The following STK4 variants were observed in gnomAD, a reference collection of about 807,000 sequenced individuals.
STK4 encodes the protein serine/threonine-protein kinase 4.
STK4 carries 30 observed loss-of-function variants against 64.9 expected under a neutral mutation model. That is an observed-to-expected ratio of 0.46 (90% CI 0.35 to 0.63). The LOEUF (loss-of-function observed/expected upper bound fraction) is 0.63, where lower values mean the gene tolerates loss of function less well. STK4 is among the 20% of genes least tolerant of loss of function. The probability of loss-of-function intolerance (pLI) is 0.01; values close to 1 mark genes in which losing one functional copy is unlikely to be tolerated. For synonymous variants in STK4, 177 were observed against 199.0 expected, an observed-to-expected ratio of 0.89 and a Z score of 0.93; for missense variants, 466 against 598.5, an observed-to-expected ratio of 0.78 and a Z score of 2.31.
intron 9 of STK4, among the ~76,000 whole-genome samples, chr20:45,020,094 A>G (rs1415850199): frequency 6.6e-6 from 1 of 152,230 alleles, no homozygotes; most frequent in Non-Finnish European, 1.5e-5. Flanking sequence ...GACATTTGGC[A>G]TTCAAGTCCC....
chr20:45,046,001 T>G (rs1343496572), intron 10 of STK4, among the ~76,000 whole-genome samples: 3 of 151,984 alleles, frequency 2.0e-5, no homozygotes, highest in Non-Finnish European at 4.4e-5. Flanking sequence ...GAGATGGGGT[T>G]TCACCATGTT....
chr20:44,988,533 GTATATATATATATATATATATATA>G (rs71197589), intron 5 of STK4, among the ~76,000 whole-genome samples: 26 of 101,586 alleles, frequency 2.6e-4, no homozygotes, highest in Admixed American at 9.4e-4. Context: ...ATGTGTGTGT[GTATATATATATATATATATATATA>G]TATATATATA....
Position 45,025,034 on chromosome 20 carries a change from A to G in STK4, c.1209A>G (p.Glu403=), listed in dbSNP as rs2068320102. 1 of 1,613,392 alleles carries G rather than the reference A, an allele frequency of 6.2e-7. No homozygotes were observed. Among genetic ancestry groups the G allele is most frequent in the Admixed American group, 1.7e-5 (1 of 59,948 alleles). Residue 403 remains glutamate (E), a synonymous_variant, in exon 10 of 11, where the codon GAA becomes GAG. Coordinates refer to ENST00000372806, the MANE Select transcript of STK4 (RefSeq NM_006282.5). ...PSFLEYFEQK[E]KENQINSFGK... ...TTCTTGAATATTTTGAACAAAAAGA[A>G]AAGGAAAACCAGATCAACAGCTTTG...
chr20:45,071,411 T>C (rs191394864), intron 10 of STK4, among the ~76,000 whole-genome samples: 81 of 152,350 alleles, frequency 5.3e-4, no homozygotes, highest in African/African-American at 1.7e-3. Context: ...TTGTCTGAGC[T>C]TGTTTTTCGG....
chr20:45,058,214 AT>A (rs3831739), intron 10 of STK4, among the ~76,000 whole-genome samples: 53 of 146,726 alleles, frequency 3.6e-4, no homozygotes, highest in African/African-American at 3.2e-4. Flanking sequence ...TTTGTTGCAG[AT>A]TTTTTTTTTT....
intron 10 of STK4, among the ~76,000 whole-genome samples, chr20:45,029,652 C>T (rs6065776): frequency 6.6e-6 from 1 of 152,144 alleles, no homozygotes. Flanking sequence ...TTAGCATCAC[C>T]TAGAGACTGT....
At chr20:45,021,822 T>C (rs879834308) in intron 9 of STK4, among the ~76,000 whole-genome samples, 7 of 152,226 alleles carry the variant, frequency 4.6e-5, no homozygotes, top group Admixed American at 1.3e-4. Context: ...ATCATAATCC[T>C]ACTAGAGATA....
chr20:44,997,215 C>A lies in STK4; in HGVS notation c.740C>A (p.Pro247Gln). The A allele has an allele frequency of 6.2e-7, 1 of 1,613,986 alleles. No individual in the cohort carries two copies. Among genetic ancestry groups the A allele is most frequent in the African/African-American group, 1.3e-5 (1 of 75,030 alleles). ...PTNPPPTFRK[P>Q]ELWSDNFTDF... ...AATCCTCCTCCCACATTCCGAAAAC[C>A]AGAGCTATGGTCAGATAACTTTACA... The change falls in exon 7 of 11, where the codon CCA becomes CAA. Residue 247 changes from proline (P) to glutamine (Q), a missense_variant. Physicochemically the swap from Pro to Gln is moderately conservative, Grantham distance 76. Coordinates refer to ENST00000372806, the MANE Select transcript of STK4 (RefSeq NM_006282.5).
At chr20:44,996,230 C>G (rs948915338) in intron 6 of STK4, among the ~76,000 whole-genome samples, 1 of 152,086 alleles carries the variant, frequency 6.6e-6, no homozygotes, top group African/African-American at 2.4e-5. Context: ...GTTAAGGGCC[C>G]ATAGAATGCA....
chr20:45,024,668 G>A (rs970573785), intron 9 of STK4, among the ~76,000 whole-genome samples: 2 of 152,118 alleles, frequency 1.3e-5, no homozygotes, highest in African/African-American at 4.8e-5. Context: ...GACTCCAAAT[G>A]TATTATTTGC....
chr20:45,015,226 C>T (rs536210649), intron 9 of STK4, among the ~76,000 whole-genome samples: 4 of 152,242 alleles, frequency 2.6e-5, no homozygotes, highest in South Asian at 2.1e-4. Context: ...ACTTCAACAC[C>T]GTCCATCAGA....
At chr20:45,036,816 A>G (rs935484991) in intron 10 of STK4, among the ~76,000 whole-genome samples, 16 of 152,320 alleles carry the variant, frequency 1.1e-4, no homozygotes, top group African/African-American at 3.8e-4. Context: ...AGCTGAATGT[A>G]TAGGGTTCGT....
chr20:44,994,823 TGTCA>T (rs1449849821), intron 5 of STK4, among the ~76,000 whole-genome samples: 1 of 152,174 alleles, frequency 6.6e-6, no homozygotes, highest in East Asian at 1.9e-4. Flanking sequence ...TAAAATTTTT[TGTCA>T]GTCATTTTAG....
rs960306045 is a variant in STK4 at position 45,009,469 on chromosome 20, C to T, written c.1147+8116C>T. On this transcript the variant is annotated intron_variant, in intron 9 of 10. Transcript: ENST00000372806. ...TTATAGTTTGAAGTCAGGTAGTGCA[C>T]TGCCTCTGGCTTTGTTCTTTTTGCT... is the stretch of plus-strand genomic sequence containing the variant. Among the ~76,000 whole-genome samples, 3 of 152,168 alleles carry T rather than the reference C, an allele frequency of 2.0e-5. 1 individual carries two copies. The highest frequency in any genetic ancestry group is 4.8e-5 in the African/African-American group (2 of 41,438).
chr20:45,024,698 A>C (rs2068312496), intron 9 of STK4, among the ~76,000 whole-genome samples: 1 of 152,196 alleles, frequency 6.6e-6, no homozygotes, highest in Non-Finnish European at 1.5e-5. Flanking sequence ...GAATCATTGC[A>C]TCACCCAAAT....
At chr20:44,982,243 A>G (rs2067455271) in intron 4 of STK4, among the ~76,000 whole-genome samples, 1 of 151,024 alleles carries the variant, frequency 6.6e-6, no homozygotes, top group Non-Finnish European at 1.5e-5. Flanking sequence ...CAGGCTCCTG[A>G]GTAGCTGGGA....
At chr20:44,973,002 T>C (rs2067277177) in intron 2 of STK4, 1 of 152,066 alleles carries the variant, frequency 6.6e-6, no homozygotes, top group Non-Finnish European at 1.5e-5. Flanking sequence ...AGAGACAGGC[T>C]ATGTGTGTGC....
chr20:44,999,821 G>A (rs2067802992), intron 7 of STK4, among the ~76,000 whole-genome samples: 1 of 152,194 alleles, frequency 6.6e-6, no homozygotes, highest in South Asian at 2.1e-4. Context: ...AGTCAGATGA[G>A]TAGATTTTTC....
chr20:44,984,345 C>G (rs1447800657), intron 4 of STK4, among the ~76,000 whole-genome samples: 1 of 151,490 alleles, frequency 6.6e-6, no homozygotes, highest in Non-Finnish European at 1.5e-5. Flanking sequence ...CTAGTACAGG[C>G]GCCCGCCACC....
Sources: allele counts gnomAD v4.1 joint callset (sites outside exome capture counted in the v4.1 genomes callset), GRCh38; gene constraint gnomAD v4.1.1; transcripts MANE v1.5; gene names NCBI Gene and HGNC (gene_info 2026-07-23, HGNC 2026-07-21).